RASGRF1: variants seen among roughly 807,000 people sequenced by gnomAD.
RASGRF1 encodes the protein ras-specific guanine nucleotide-releasing factor 1.
A neutral mutation model predicts 138.7 loss-of-function variants in RASGRF1; 40 were observed. The ratio of observed to expected loss-of-function variants is 0.29; its 90% CI spans 0.22 to 0.38. The LOEUF (loss-of-function observed/expected upper bound fraction) is 0.38. Ranked by LOEUF, RASGRF1 falls within the 10% of genes least tolerant of loss-of-function variation. The pLI is 1.00. For missense variants in RASGRF1, 1,108 were observed against 1,650.4 expected (o/e 0.67, Z 5.69); for synonymous variants, 614 against 663.2 (o/e 0.93, Z 1.14).
chr15:79,063,767 C>G (rs974364202), intron 2 of RASGRF1, among the ~76,000 whole-genome samples: 2 of 152,224 alleles, frequency 1.3e-5, no homozygotes, highest in Non-Finnish European at 2.9e-5. Context: ...ATGTTCAGCT[C>G]TGCCAGGCGA....
At chr15:78,974,389 G>A (rs1267115907) in intron 24 of RASGRF1, among the ~76,000 whole-genome samples, 1 of 152,170 alleles carries the variant, frequency 6.6e-6, no homozygotes, top group Non-Finnish European at 1.5e-5. Flanking sequence ...TGGCAACCCT[G>A]CTAGCCTGGA....
intron 20 of RASGRF1, among the ~76,000 whole-genome samples, chr15:78,993,052 G>GGTGGTGTGTGGGTGGTGTGT (rs1240512072): frequency 2.7e-5 from 4 of 149,048 alleles, no homozygotes; most frequent in Non-Finnish European, 6.0e-5. Flanking sequence ...GTGCCATGTG[G>GGTGGTGTGTGGGTGGTGTGT]GTGGTGTGTG....
chr15:78,982,504 T>C (rs2056056250), intron 23 of RASGRF1, among the ~76,000 whole-genome samples: 1 of 152,142 alleles, frequency 6.6e-6, no homozygotes, highest in Admixed American at 6.6e-5. Flanking sequence ...GGCCAGGAGC[T>C]TCTATCCTGT....
At chr15:78,977,470 C>G (rs777374225) in intron 24 of RASGRF1, among the ~76,000 whole-genome samples, 2 of 152,160 alleles carry the variant, frequency 1.3e-5, no homozygotes, top group Admixed American at 6.5e-5. Context: ...TCCCATTTTA[C>G]CACTGGGTTG....
At chr15:79,011,240 C>T (rs1293253738) in intron 13 of RASGRF1, among the ~76,000 whole-genome samples, 1 of 152,032 alleles carries the variant, frequency 6.6e-6, no homozygotes, top group Non-Finnish European at 1.5e-5. Flanking sequence ...CACCGCCAGC[C>T]CCATCTTTCA....
intron 3 of RASGRF1, among the ~76,000 whole-genome samples, chr15:79,053,626 GAA>G (rs1334233594): frequency 6.6e-6 from 1 of 152,250 alleles, no homozygotes; most frequent in African/African-American, 2.4e-5. Context: ...AGAAGGGAGA[GAA>G]GAGACTAAGT....
intron 24 of RASGRF1, among the ~76,000 whole-genome samples, chr15:78,974,122 C>G (rs2055826203): frequency 6.6e-6 from 1 of 152,200 alleles, no homozygotes; most frequent in Non-Finnish European, 1.5e-5. Flanking sequence ...TGGTCCAAAG[C>G]AGGGCCTCCT....
At chr15:79,061,946 G>C (rs553974775) in intron 2 of RASGRF1, among the ~76,000 whole-genome samples, 5 of 152,262 alleles carry the variant, frequency 3.3e-5, no homozygotes, top group African/African-American at 1.2e-4. Context: ...GGGTCACAGA[G>C]CAGATGTATG....
intron 8 of RASGRF1, among the ~76,000 whole-genome samples, chr15:79,028,738 C>A (rs1023266205): frequency 1.4e-4 from 22 of 152,160 alleles, no homozygotes; most frequent in African/African-American, 5.1e-4. Context: ...AGTACAAAAC[C>A]TTTTATCTGC....
intron 5 of RASGRF1, among the ~76,000 whole-genome samples, chr15:79,039,296 CAAAAAAAAAAAAA>C (rs71148587): frequency 2.0e-5 from 1 of 50,370 alleles, no homozygotes; most frequent in Admixed American, 2.7e-4. Context: ...GACCCTGTCT[CAAAAAAAAAAAAA>C]AAAAAAAAAA....
At chr15:78,980,720 T>A (rs1184178856) in intron 23 of RASGRF1, 21 bp from the exon 24 acceptor site, 1 of 1,560,586 alleles carries the variant, frequency 6.4e-7, no homozygotes, top group South Asian at 1.1e-5. Flanking sequence ...GCAGAAGCAT[T>A]TACTAACACA....
At position 79,050,643 on chromosome 15, in the gene RASGRF1, G is replaced by A. The variant is rs1188471272; in HGVS notation, c.532-1055C>T. 6.6e-6 allele frequency among the ~76,000 whole-genome samples: 1 copy of A among 152,168 alleles called. No homozygotes were observed. Among genetic ancestry groups the A allele is most frequent in the African/African-American group, 2.4e-5 (1 of 41,444 alleles). On this transcript the variant is annotated intron_variant, in intron 3 of 26. Coordinates refer to ENST00000558480, the MANE Select transcript of RASGRF1 (RefSeq NM_001145648.3). This position sits in a 1 kb window ranked among gnomAD's most constrained non-coding sequence, Gnocchi z 4.1. ...AACATCTCCATTTGCATAATTTGGGGATCACAGATGTCGACATAGCTGCAA... is the reference window on the plus strand; with the variant it reads ...AACATCTCCATTTGCATAATTTGGGAATCACAGATGTCGACATAGCTGCAA...
At chr15:78,999,206 G>T (rs2056462463) in intron 17 of RASGRF1, among the ~76,000 whole-genome samples, 1 of 152,164 alleles carries the variant, frequency 6.6e-6, no homozygotes, top group Non-Finnish European at 1.5e-5. Context: ...GCGGGACAGA[G>T]GTTCCCATGG....
At chr15:78,980,762 A>C in intron 23 of RASGRF1, 63 bp from the exon 24 acceptor site, 1 of 1,290,068 alleles carries the variant, frequency 7.8e-7, no homozygotes, top group Non-Finnish European at 1.1e-6. Context: ...AGGCCCGGGG[A>C]TCAGGCCCAC....
At position 79,027,009 on chromosome 15, in the gene RASGRF1, G is replaced by A. The variant is rs188497562; in HGVS notation, c.1381+732C>T. 1.4e-4 allele frequency among the ~76,000 whole-genome samples: 21 copies of A among 152,280 alleles called. No individual in the cohort carries two copies. Among genetic ancestry groups the A allele is most frequent in the Middle Eastern group, 3.4e-3 (1 of 294 alleles). On this transcript the variant is annotated intron_variant, in intron 9 of 26. Transcript: ENST00000558480. The surrounding 1 kb of genome is among the most constrained non-coding windows in gnomAD (Gnocchi z 4.8). Reference sequence around the variant, plus strand: ...AGCGGGAGGCGCTGGCAAGTATTTCGTTAGGCAGAGAATCCCAGGGCTACA... The same window carrying A: ...AGCGGGAGGCGCTGGCAAGTATTTCATTAGGCAGAGAATCCCAGGGCTACA...
chr15:79,021,273 CAATAATGAATGATA>C (rs2056957163), intron 10 of RASGRF1, among the ~76,000 whole-genome samples: 1 of 152,190 alleles, frequency 6.6e-6, no homozygotes, highest in African/African-American at 2.4e-5. Flanking sequence ...TAAAGTAAAA[CAATAATGAATGATA>C]ATGGAGACCT....
In RASGRF1 at chr15:78,973,299, G is replaced by A. The variant is rs777121282; in HGVS notation, c.3612+4C>T. On this transcript the variant is annotated splice_donor_region_variant and intron_variant, in intron 25 of 26. Coordinates refer to ENST00000558480, the MANE Select transcript of RASGRF1 (RefSeq NM_001145648.3). The surrounding 1 kb of genome is among the most constrained non-coding windows in gnomAD (Gnocchi z 4.9). Reference sequence around the variant, plus strand: ...CTTCCCCTGCCTGGCTGGGGGGAACGCACCATCCTCATCTTGGAGAAGTTG... The same window carrying A: ...CTTCCCCTGCCTGGCTGGGGGGAACACACCATCCTCATCTTGGAGAAGTTG... 1.3e-6 allele frequency: 2 copies of A among 1,599,140 alleles called. No homozygotes were observed. The highest frequency in any genetic ancestry group is 2.2e-5 in the East Asian group (1 of 44,666).
At chr15:78,988,538 G>A (rs904339969) in intron 22 of RASGRF1, among the ~76,000 whole-genome samples, 31 of 152,218 alleles carry the variant, frequency 2.0e-4, no homozygotes, top group Admixed American at 2.0e-3. Flanking sequence ...CTCCTCCCCT[G>A]AGCTGCAATC....
intron 24 of RASGRF1, chr15:78,978,812 C>A (rs1344512354): frequency 8.6e-7 from 1 of 1,168,612 alleles, no homozygotes; most frequent in East Asian, 6.0e-5. Context: ...GTGTGCCCTG[C>A]CTATGTCTCT....
Sources: gnomAD v4.1 joint callset for allele counts (sites outside exome capture counted in the v4.1 genomes callset) on GRCh38, gnomAD v4.1.1 for gene constraint, Gnocchi (gnomAD v3.1) non-coding constraint, MANE v1.5 for transcripts, NCBI Gene and HGNC (gene_info 2026-07-23, HGNC 2026-07-21) for gene names.